Variants in STK3 observed in about 807,000 individuals in gnomAD.
STK3 encodes serine/threonine-protein kinase 3.
STK3 carries 41 observed loss-of-function variants against 58.0 expected under a neutral mutation model. The observed-to-expected ratio is 0.71, with a 90% CI of 0.55 to 0.92. STK3 has a LOEUF of 0.92. STK3 is among the 40% of genes least tolerant of loss of function. STK3 has a pLI of 0.00. For missense variants in STK3, 479 were observed against 602.7 expected (o/e 0.79, Z 2.15); for synonymous variants, 170 against 191.0 (o/e 0.89, Z 0.91).
intron 1 of STK3, among the ~76,000 whole-genome samples, chr8:98,937,037 T>C (rs1472865355): frequency 6.6e-6 from 1 of 152,208 alleles, no homozygotes; most frequent in Non-Finnish European, 1.5e-5. Flanking sequence ...TTCTGTGTTT[T>C]GGGCTCAGAG....
chr8:98,930,939 C>A (rs1259209975), intron 1 of STK3, among the ~76,000 whole-genome samples: 2 of 152,182 alleles, frequency 1.3e-5, no homozygotes, highest in African/African-American at 4.8e-5. Context: ...AAATGCTTAG[C>A]CCAAGAAGGA....
chr8:98,373,561 G>A (rs1792207854), intron 2 of STK3, among the ~76,000 whole-genome samples: 1 of 152,134 alleles, frequency 6.6e-6, no homozygotes, highest in African/African-American at 2.4e-5. Flanking sequence ...ATTAAAAACT[G>A]AGGCCTAGAG....
chr8:98,903,556 C>CTT (rs200556218), intron 1 of STK3, among the ~76,000 whole-genome samples: 11,165 of 50,270 alleles, frequency 0.22, 1,154 homozygotes, highest in South Asian at 0.27. Context: ...TCTTCTTCTT[C>CTT]CTTTTTTTTT....
At chr8:98,434,947 C>G (rs565240150) in intron 2 of STK3, among the ~76,000 whole-genome samples, 1 of 152,326 alleles carries the variant, frequency 6.6e-6, no homozygotes, top group East Asian at 1.9e-4. Flanking sequence ...TATTTTATTT[C>G]CAGTTAACCT....
intron 1 of STK3, among the ~76,000 whole-genome samples, chr8:98,813,989 A>G (rs1033872491): frequency 2.0e-5 from 3 of 152,224 alleles, no homozygotes; most frequent in Non-Finnish European, 4.4e-5. Flanking sequence ...AGTTCGTTGT[A>G]AGTATTCTGA....
At chr8:98,370,191 C>G (rs547449209), downstream of STK3, among the ~76,000 whole-genome samples, 1 of 151,704 alleles carries the variant, frequency 6.6e-6, no homozygotes, top group African/African-American at 2.4e-5. Context: ...CCCCGGGAAC[C>G]CTGGGCCTCC....
chr8:98,595,883 G>C (rs1254028692), intron 7 of STK3, 149 bp downstream of exon 7: 2 of 806,658 alleles, frequency 2.5e-6, no homozygotes, highest in Non-Finnish European at 1.8e-6. Flanking sequence ...GGACGAGAGG[G>C]GAGGAAAGAA....
chr8:98,666,459 T>C (rs183262398), intron 6 of STK3, among the ~76,000 whole-genome samples: 4 of 152,190 alleles, frequency 2.6e-5, no homozygotes, highest in Non-Finnish European at 5.9e-5. Context: ...TACCTAATCA[T>C]GTTAAGTGTA....
intron 1 of STK3, among the ~76,000 whole-genome samples, chr8:98,440,035 T>C (rs1405030605): frequency 1.3e-5 from 2 of 152,262 alleles, no homozygotes; most frequent in Admixed American, 1.3e-4. Context: ...AGAGGGAGGA[T>C]GTGCGTACTG....
chr8:98,406,224 CATTTTATTTT>C (rs56220187), intron 3 of STK3, among the ~76,000 whole-genome samples: 5,986 of 142,468 alleles, frequency 0.042, 241 homozygotes, highest in South Asian at 0.1. Flanking sequence ...TCCCCCCAGG[CATTTTATTTT>C]ATTTTATTTT....
At chr8:98,777,075 TTAAAAATAAATAAA>T (rs1831738707) in intron 1 of STK3, among the ~76,000 whole-genome samples, 1 of 151,468 alleles carries the variant, frequency 6.6e-6, no homozygotes. Flanking sequence ...ATTAAAAATT[TTAAAAATAAATAAA>T]TAAAAATAAA....
At chr8:98,430,443 T>G (rs1241250352) in intron 3 of STK3, 1 of 167,086 alleles carries the variant, frequency 6.0e-6, no homozygotes, top group East Asian at 1.9e-4. Context: ...AGGTGAACGT[T>G]GTTGGGTTGC....
chr8:98,471,568 A>G (rs993052419), intron 10 of STK3, among the ~76,000 whole-genome samples: 1 of 152,126 alleles, frequency 6.6e-6, no homozygotes, highest in African/African-American at 2.4e-5. Flanking sequence ...AAAGTGTTGA[A>G]TATTTCATGT....
Position 98,429,619 on chromosome 8 carries a change from T to G in STK3, n.483+4508A>C, listed in dbSNP as rs150829103. On this transcript the variant is annotated intron_variant and non_coding_transcript_variant, in intron 3 of 3. Transcript: ENST00000517832. The stretch of plus-strand genomic sequence containing the variant: ...GTCTGACACCATGCCTTTGCACCTT[T>G]CCATGAAATGACACTCACTGGTCTT... The G allele has an allele frequency of 4.0e-4, 214 of 537,876 alleles. 2 individuals are homozygous for G. Among genetic ancestry groups the G allele is most frequent in the African/African-American group, 3.6e-3 (190 of 53,072 alleles). 33.3% of individuals were successfully genotyped at this position (537,876 alleles called of 1,614,324 possible). A position where few individuals can be genotyped will look rare whatever the true frequency, so the allele number is the denominator to read the frequency against.
At chr8:98,402,544 G>T (rs777436501) in intron 3 of STK3, among the ~76,000 whole-genome samples, 1 of 152,190 alleles carries the variant, frequency 6.6e-6, no homozygotes, top group Non-Finnish European at 1.5e-5. Context: ...CCAGATAGGT[G>T]CTCTCCTCTG....
intron 10 of STK3, among the ~76,000 whole-genome samples, chr8:98,475,129 C>T (rs754328784): frequency 6.6e-6 from 1 of 152,162 alleles, no homozygotes; most frequent in Non-Finnish European, 1.5e-5. Context: ...CATCTGTATA[C>T]CCATATCCAA....
At chr8:98,552,504 A>G (rs1237865676) in intron 8 of STK3, among the ~76,000 whole-genome samples, 1 of 152,100 alleles carries the variant, frequency 6.6e-6, no homozygotes, top group Admixed American at 6.6e-5. Flanking sequence ...CTGTTTCTTG[A>G]GCATTCTAAA....
chr8:98,917,733 A>T (rs1418140754), intron 1 of STK3, among the ~76,000 whole-genome samples: 1 of 152,190 alleles, frequency 6.6e-6, no homozygotes, highest in African/African-American at 2.4e-5. Flanking sequence ...ATAACAACCC[A>T]AACAAGCTAA....
chr8:98,912,208 G>A (rs892102374), intron 1 of STK3, among the ~76,000 whole-genome samples: 3 of 152,008 alleles, frequency 2.0e-5, no homozygotes, highest in East Asian at 1.9e-4. Flanking sequence ...GCAAAACCTC[G>A]TCTCTACTAA....
Sources: allele counts gnomAD v4.1 joint callset (sites outside exome capture counted in the v4.1 genomes callset), GRCh38; gene constraint gnomAD v4.1.1; transcripts MANE v1.5; gene names NCBI Gene and HGNC (gene_info 2026-07-23, HGNC 2026-07-21).